Variants in MAP2 observed in about 807,000 individuals in gnomAD.
The protein encoded by MAP2 is microtubule associated protein 2.
In MAP2, 14 loss-of-function variants were observed where a neutral mutation model predicts 137.6. The ratio of observed to expected loss-of-function variants is 0.10; its 90% CI spans 0.07 to 0.16. The LOEUF is 0.16. Among genes scored for constraint, MAP2 ranks in the 10% least tolerant of loss-of-function variants. MAP2 has a pLI of 1.00. For synonymous variants in MAP2, 786 were observed against 782.3 expected (o/e 1.00, Z -0.08); for missense variants, 2,088 against 2,191.5 (o/e 0.95, Z 0.94).
intron 1 of MAP2, among the ~76,000 whole-genome samples, chr2:209,494,705 T>C (rs1289974175): frequency 3.9e-5 from 6 of 152,228 alleles, no homozygotes; most frequent in Non-Finnish European, 8.8e-5. Flanking sequence ...TTCCTTTACT[T>C]TCTTAATAGA....
intron 3 of MAP2, among the ~76,000 whole-genome samples, chr2:209,600,678 GTCAGTCCCTATTAAGGGCAAACC>G: frequency 6.6e-6 from 1 of 152,272 alleles, no homozygotes; most frequent in Admixed American, 6.5e-5. Flanking sequence ...AGAGTCCTCA[GTCAGTCCCTATTAAGGGCAAACC>G]TCCTTGTAGG....
chr2:209,648,346 G>A (rs1004988665), intron 4 of MAP2, among the ~76,000 whole-genome samples: 13 of 151,908 alleles, frequency 8.6e-5, no homozygotes, highest in African/African-American at 2.2e-4. Flanking sequence ...TGATCCACCC[G>A]ACTTGGCCTA....
At chr2:209,468,096 CT>C (rs3057966) in intron 1 of MAP2, among the ~76,000 whole-genome samples, 3 of 149,646 alleles carry the variant, frequency 2.0e-5, no homozygotes, top group African/African-American at 2.5e-5. Flanking sequence ...GAGATTTTTG[CT>C]TTTTTTTTTC....
chr2:209,453,974 A>G (rs1201989204), intron 1 of MAP2, among the ~76,000 whole-genome samples: 1 of 151,954 alleles, frequency 6.6e-6, no homozygotes, highest in Non-Finnish European at 1.5e-5. Flanking sequence ...ACACAGTGAA[A>G]CCCCATCTCT....
intron 3 of MAP2, among the ~76,000 whole-genome samples, chr2:209,612,162 GA>G (rs2087149223): frequency 6.6e-6 from 1 of 152,148 alleles, no homozygotes; most frequent in African/African-American, 2.4e-5. Context: ...TAAAACTGCT[GA>G]ATTTAAAAAC....
intron 13 of MAP2, among the ~76,000 whole-genome samples, chr2:209,717,440 G>A (rs1036190965): frequency 6.6e-6 from 1 of 152,102 alleles, no homozygotes. Context: ...TGAGATTTGG[G>A]CAGGGACACA....
intron 13 of MAP2, among the ~76,000 whole-genome samples, chr2:209,716,871 T>C (rs534932834): frequency 6.6e-6 from 1 of 152,268 alleles, no homozygotes; most frequent in South Asian, 2.1e-4. Context: ...ATGATAGTAG[T>C]TATGCATTAC....
At chr2:209,630,696 A>G (rs1967262) in intron 4 of MAP2, among the ~76,000 whole-genome samples, 10,142 of 152,084 alleles carry the variant, frequency 0.067, 803 homozygotes, top group South Asian at 0.23. Flanking sequence ...TTAAGAGATT[A>G]GAAGAGCAGG....
At chr2:209,532,240 GAAAAAAAA>G (rs796126529) in intron 2 of MAP2, among the ~76,000 whole-genome samples, 9 of 72,696 alleles carry the variant, frequency 1.2e-4, no homozygotes, top group African/African-American at 2.6e-4. Flanking sequence ...CCAGTCTCAG[GAAAAAAAA>G]AAAAAAAAAA....
Position 209,695,842 on chromosome 2 carries a change from G to T in MAP2, c.3672G>T (p.Thr1224=). 1 of 1,614,066 alleles carries T rather than the reference G, an allele frequency of 6.2e-7. No individual in the cohort carries two copies. Among genetic ancestry groups the T allele is most frequent in the Non-Finnish European group, 8.5e-7 (1 of 1,180,002 alleles). The change falls in exon 8 of 16, where the codon ACG becomes ACT. Residue 1224 remains threonine, a synonymous_variant. Coordinates refer to ENST00000682079, the MANE Select transcript of MAP2 (RefSeq NM_001375505.1). The part of the protein sequence containing the change: ...PSDVAEPLHE[T]IVSEPAEIQS... The stretch of plus-strand genomic sequence containing the variant: ...ATGTTGCAGAGCCATTGCATGAAAC[G>T]ATCGTATCTGAACCAGCAGAGATTC...
intron 4 of MAP2, among the ~76,000 whole-genome samples, chr2:209,646,848 C>T (rs114849038): frequency 0.012 from 1,778 of 152,138 alleles, 34 homozygotes; most frequent in African/African-American, 0.041. Context: ...TCTATCACTT[C>T]TGTTTCTTTA....
intron 2 of MAP2, among the ~76,000 whole-genome samples, chr2:209,550,906 G>T (rs553349543): frequency 6.6e-6 from 1 of 152,218 alleles, no homozygotes; most frequent in East Asian, 1.9e-4. Context: ...TGTATAACTT[G>T]CATCGGGAAT....
rs147409049 is a variant in MAP2, at chr2:209,517,830, T to A, written c.-172+10189T>A. Among the ~76,000 whole-genome samples the A allele has an allele frequency of 3.4e-3, 513 of 151,120 alleles. 2 individuals carry two copies. The highest frequency in any genetic ancestry group is 5.4e-3 in the Non-Finnish European group (364 of 67,756). On this transcript the variant is annotated intron_variant, in intron 2 of 15. Coordinates refer to ENST00000682079, the MANE Select transcript of MAP2 (RefSeq NM_001375505.1). ...AAATAGAAAAGTATATACAAAGAAA[T>A]ACAAGCCATGAGGTGAATGATAACC...
chr2:209,500,303 T>G (rs1011598693), intron 1 of MAP2, among the ~76,000 whole-genome samples: 12 of 152,216 alleles, frequency 7.9e-5, no homozygotes, highest in African/African-American at 2.9e-4. Flanking sequence ...TAGAGCCAAC[T>G]TAGCTTTTCA....
rs560071262 is a variant in MAP2 at position 209,671,929 on chromosome 2, A to G, written c.263-6643A>G. On this transcript the variant is annotated intron_variant, in intron 5 of 15. Coordinates refer to ENST00000682079, the MANE Select transcript of MAP2 (RefSeq NM_001375505.1). ...ACATATCACTCAGAATCACTCAGAAACAAGTTGAAACTTCCAGGATCATTG... is the reference window on the plus strand; with the variant it reads ...ACATATCACTCAGAATCACTCAGAAGCAAGTTGAAACTTCCAGGATCATTG... Among the ~76,000 whole-genome samples, 118 of 152,008 alleles carry G rather than the reference A, an allele frequency of 7.8e-4. 1 individual carries two copies. Among genetic ancestry groups the G allele is most frequent in the Admixed American group, 1.5e-3 (23 of 15,220 alleles).
chr2:209,546,705 G>A (rs976313459), intron 2 of MAP2, among the ~76,000 whole-genome samples: 1 of 152,162 alleles, frequency 6.6e-6, no homozygotes, highest in South Asian at 2.1e-4. Flanking sequence ...TACAAAATTT[G>A]TTTGATTCTC....
At chr2:209,584,341 G>A (rs1334853687) in intron 3 of MAP2, among the ~76,000 whole-genome samples, 1 of 152,096 alleles carries the variant, frequency 6.6e-6, no homozygotes, top group African/African-American at 2.4e-5. Context: ...GGAATCAAAG[G>A]AAGTGAACAT....
chr2:209,696,633 A>C lies in MAP2; in HGVS notation c.4272A>C (p.Lys1424Asn). 8 of 1,613,940 alleles carry C rather than the reference A, an allele frequency of 5.0e-6. No individual in the cohort carries two copies. Among genetic ancestry groups the C allele is most frequent in the Non-Finnish European group, 6.8e-6 (8 of 1,179,904 alleles). Residue 1424 changes from lysine to asparagine, a missense_variant, in exon 9 of 16, where the codon AAA becomes AAC. By Grantham distance (94) the Lys-to-Asn change is moderately conservative (BLOSUM62 0). Around this residue, in one of 6 missense-constraint regions of MAP2, gnomAD observed 591 missense variants for 642.6 expected, o/e 0.92. Transcript: ENST00000682079. ...AAGCTCGGAGATCATCTCTTGAGAA[A>C]CATAGAAAAGAAAAGCCTTTTAAAA... ...EKEARRSSLE[K>N]HRKEKPFKTG...
rs564612081 is a variant in MAP2 at position 209,646,782 on chromosome 2, T to TTTG, written c.-29-6339_-29-6337dup. Reference sequence around the variant, plus strand: ...TTTCCTTTTGTTCTTTCTTCATTCTTTTGTTGTTGTTGTTGTTGTTGTTTC... The same window carrying TTTG: ...TTTCCTTTTGTTCTTTCTTCATTCTTTTGTTGTTGTTGTTGTTGTTGTTGTTTC... On this transcript the variant is annotated intron_variant, in intron 4 of 15. Coordinates refer to ENST00000682079, the MANE Select transcript of MAP2 (RefSeq NM_001375505.1). Among the ~76,000 whole-genome samples, 53 of 152,074 alleles carry TTTG rather than the reference T, an allele frequency of 3.5e-4. No homozygotes were observed. The East Asian group carries it at 3.7e-3, about 11-fold the overall frequency.
Sources: gnomAD v4.1 joint callset for allele counts (sites outside exome capture counted in the v4.1 genomes callset) on GRCh38, gnomAD v4.1.1 for gene constraint, gnomAD v4.1.1 regional missense constraint, MANE v1.5 for transcripts, NCBI Gene and HGNC (gene_info 2026-07-23, HGNC 2026-07-21) for gene names.